The following SAMD5 variants were observed in gnomAD, a reference collection of about 807,000 sequenced individuals.
SAMD5 encodes sterile alpha motif domain-containing protein 5.
Under a neutral mutation model 11.3 loss-of-function variants are expected in SAMD5, and 13 were observed. The observed-to-expected ratio is 1.15, with a 90% CI of 0.75 to 1.83. The LOEUF (loss-of-function observed/expected upper bound fraction) is 1.83. Ranked by LOEUF, SAMD5 falls within the 40% of genes most tolerant of loss-of-function variation. The pLI is 0.00. For synonymous variants in SAMD5, 129 were observed against 111.3 expected, an observed-to-expected ratio of 1.16 and a Z score of -1.00; for missense variants, 255 against 239.1, an observed-to-expected ratio of 1.07 and a Z score of -0.44.
chr6:147,535,430 C>T (rs779063696), intron 1 of SAMD5, among the ~76,000 whole-genome samples: 1 of 152,194 alleles, frequency 6.6e-6, no homozygotes, highest in Non-Finnish European at 1.5e-5. Flanking sequence ...TTTTAACCTG[C>T]ACATAATTTA....
chr6:147,778,511 C>T, the SAMD5 span, among the ~76,000 whole-genome samples: 1 of 152,196 alleles, frequency 6.6e-6, no homozygotes, highest in Non-Finnish European at 1.5e-5. Flanking sequence ...CTGTCAATGG[C>T]ATCTCCATTC....
intron 1 of SAMD5, chr6:147,733,834 GAGTTAAA>G: frequency 2.8e-6 from 2 of 722,950 alleles, no homozygotes; most frequent in South Asian, 1.2e-4. Context: ...GATTTTTGCA[GAGTTAAA>G]ACACTTGGCC....
chr6:147,707,833 C>T (rs1791344825), intron 1 of SAMD5, among the ~76,000 whole-genome samples: 1 of 152,078 alleles, frequency 6.6e-6, no homozygotes, highest in African/African-American at 2.4e-5. Context: ...TTCTGGATTG[C>T]TTCATCAGTA....
At chr6:147,668,927 T>C (rs1369200452) in intron 1 of SAMD5, among the ~76,000 whole-genome samples, 1 of 152,212 alleles carries the variant, frequency 6.6e-6, no homozygotes. Flanking sequence ...ATAACTTAAT[T>C]AAAAATACTT....
chr6:147,651,621 G>A (rs1790484690), intron 1 of SAMD5, among the ~76,000 whole-genome samples: 1 of 152,178 alleles, frequency 6.6e-6, no homozygotes, highest in African/African-American at 2.4e-5. Context: ...GCAGACACCA[G>A]AACCCAACCA....
At chr6:147,931,583 T>C in the SAMD5 span, among the ~76,000 whole-genome samples, 4 of 151,948 alleles carry the variant, frequency 2.6e-5, no homozygotes, top group African/African-American at 9.7e-5. Flanking sequence ...TTAAGTCACA[T>C]TGACGAATGC....
chr6:147,603,963 A>G (rs1562331225), intron 1 of SAMD5, among the ~76,000 whole-genome samples: 1 of 152,178 alleles, frequency 6.6e-6, no homozygotes, highest in African/African-American at 2.4e-5. Context: ...AAGACATTCT[A>G]TCTTAGCTTA....
chr6:147,888,715 T>C, the SAMD5 span, among the ~76,000 whole-genome samples: 6 of 151,946 alleles, frequency 3.9e-5, no homozygotes, highest in Non-Finnish European at 7.4e-5. Context: ...AAACCCCATC[T>C]CTACTAAAAA....
chr6:147,847,575 G>A, the SAMD5 span, among the ~76,000 whole-genome samples: 7 of 152,154 alleles, frequency 4.6e-5, no homozygotes, highest in Admixed American at 4.6e-4. Flanking sequence ...ACCTGGAGCT[G>A]GGTGTGTTGC....
chr6:147,874,952 G>C, the SAMD5 span, among the ~76,000 whole-genome samples: 1 of 152,076 alleles, frequency 6.6e-6, no homozygotes, highest in Non-Finnish European at 1.5e-5. Context: ...ACTTCACTCA[G>C]AGAAAATGCC....
the SAMD5 span, among the ~76,000 whole-genome samples, chr6:147,877,898 G>T: frequency 6.3e-5 from 3 of 47,644 alleles, no homozygotes; most frequent in Admixed American, 7.0e-4. Context: ...TAGATAGCTA[G>T]ATAGATAGAT....
intron 1 of SAMD5, among the ~76,000 whole-genome samples, chr6:147,714,410 G>A (rs1340453834): frequency 6.6e-6 from 1 of 152,146 alleles, no homozygotes; most frequent in East Asian, 1.9e-4. Flanking sequence ...AGCACGTCCT[G>A]CTTCTTCTCC....
chr6:147,826,901 A>G, the SAMD5 span, among the ~76,000 whole-genome samples: 6 of 152,190 alleles, frequency 3.9e-5, no homozygotes, highest in African/African-American at 1.2e-4. Flanking sequence ...AACATGCAGC[A>G]GTGGGTTTTG....
At chr6:147,639,315 T>C (rs1370156661) in intron 1 of SAMD5, among the ~76,000 whole-genome samples, 1 of 152,256 alleles carries the variant, frequency 6.6e-6, no homozygotes, top group Non-Finnish European at 1.5e-5. Flanking sequence ...TATTCATTAT[T>C]TGGTCTATGA....
the SAMD5 span, among the ~76,000 whole-genome samples, chr6:147,854,923 G>T: frequency 1.3e-5 from 2 of 152,102 alleles, no homozygotes; most frequent in Non-Finnish European, 2.9e-5. Flanking sequence ...TGTACTACTG[G>T]GTTGGAGGAA....
At chr6:147,588,453 A>G (rs576194194) in intron 1 of SAMD5, among the ~76,000 whole-genome samples, 39 of 151,578 alleles carry the variant, frequency 2.6e-4, no homozygotes, top group African/African-American at 8.9e-4. Context: ...AGTAGTCCCA[A>G]TTAGGGACTA....
chr6:147,797,848 A>G, the SAMD5 span, among the ~76,000 whole-genome samples: 2 of 150,428 alleles, frequency 1.3e-5, no homozygotes, highest in East Asian at 2.0e-4. Flanking sequence ...TTTCTAGTTT[A>G]TTTGCGTAGA....
rs1791396483 is a variant in SAMD5, at chr6:147,711,221, C to T, written c.163-26096C>T. On this transcript the variant is annotated intron_variant, in intron 1 of 1. Transcript: ENST00000566741. This position sits in a 1 kb window ranked among gnomAD's most constrained non-coding sequence, Gnocchi z 4.1. ...AGCTCTTTGAAGCAGGAATTATTAT[C>T]TCTAATTACAGATGAGGAAAGTGGG... Among the ~76,000 whole-genome samples, 3 of 152,134 alleles carry T rather than the reference C, an allele frequency of 2.0e-5. No individual in the cohort carries two copies. The highest frequency in any genetic ancestry group is 2.9e-5 in the Non-Finnish European group (2 of 68,032).
At chr6:147,953,521 T>C in the SAMD5 span, 1 of 152,336 alleles carries the variant, frequency 6.6e-6, no homozygotes, top group South Asian at 2.1e-4. Flanking sequence ...TGCATCAAAC[T>C]GAGTTTTAAA....
Sources: gnomAD v4.1 joint callset for allele counts (sites outside exome capture counted in the v4.1 genomes callset) on GRCh38, gnomAD v4.1.1 for gene constraint, Gnocchi (gnomAD v3.1) non-coding constraint, MANE v1.5 for transcripts, NCBI Gene and HGNC (gene_info 2026-07-23, HGNC 2026-07-21) for gene names.